Variants in SLC8A1 observed in about 807,000 individuals in gnomAD.
The protein encoded by SLC8A1 is sodium/calcium exchanger 1.
A neutral mutation model predicts 68.3 loss-of-function variants in SLC8A1; 18 were observed. That is an observed-to-expected ratio of 0.26 (90% CI 0.18 to 0.39). SLC8A1 has a LOEUF of 0.39. Among genes scored for constraint, SLC8A1 ranks in the 10% least tolerant of loss-of-function variants. The probability of loss-of-function intolerance (pLI) is 1.00; values close to 1 mark genes in which losing one functional copy is unlikely to be tolerated. For synonymous variants in SLC8A1, 475 were observed against 415.5 expected (o/e 1.14, Z -1.74); for missense variants, 985 against 1,156.7 (o/e 0.85, Z 2.15).
At chr2:40,465,841 T>A (rs545561006) in intron 1 of SLC8A1, among the ~76,000 whole-genome samples, 1 of 152,152 alleles carries the variant, frequency 6.6e-6, no homozygotes, top group Non-Finnish European at 1.5e-5. Flanking sequence ...TGGGGCTGCA[T>A]TGGAAGTGTT....
chr2:40,493,239 G>T (rs1705441695), intron 1 of SLC8A1, among the ~76,000 whole-genome samples: 1 of 151,072 alleles, frequency 6.6e-6, no homozygotes, highest in Admixed American at 6.6e-5. Flanking sequence ...GTAAACTATT[G>T]GAAGAACAAA....
chr2:40,174,857 A>T lies in SLC8A1; in HGVS notation c.1913-15T>A. On this transcript the variant is annotated splice_polypyrimidine_tract_variant and intron_variant, in intron 3 of 7. Transcript: ENST00000406785. ...TGTGAAGCCACCTAAAAAAGAAAAA[A>T]ACAACAACAAATGTTATAATTTGAC... 6.2e-7 allele frequency: 1 copy of T among 1,606,160 alleles called. No individual in the cohort carries two copies. Among genetic ancestry groups the T allele is most frequent in the East Asian group, 2.2e-5 (1 of 44,800 alleles).
intron 2 of SLC8A1, among the ~76,000 whole-genome samples, chr2:40,300,451 A>C (rs551060123): frequency 8.5e-5 from 13 of 152,312 alleles, no homozygotes; most frequent in Non-Finnish European, 1.5e-4. Context: ...TTCCATAAAA[A>C]AAAAGACATT....
At position 40,250,431 on chromosome 2, in the gene SLC8A1, C is replaced by A. The variant is rs1245950498; in HGVS notation, c.1809-72576G>T. On this transcript the variant is annotated intron_variant, in intron 2 of 7. Coordinates refer to ENST00000406785, the Ensembl canonical transcript of SLC8A1. Reference sequence around the variant, plus strand: ...TTCCAATATTATTAAAATTAGTGATCATTAGCTGGCACTTTACAACAGAAA... The same window carrying A: ...TTCCAATATTATTAAAATTAGTGATAATTAGCTGGCACTTTACAACAGAAA... 3.9e-5 allele frequency: 6 copies of A among 152,060 alleles called. No homozygotes were observed. In the East Asian group the frequency reaches 9.6e-4, roughly 24 times the overall value. The allele number at this position is 152,060 out of a possible 1,614,324, so 9.4% of individuals were successfully genotyped here.
chr2:40,108,003 T>G (rs1000417094), exon 8 of SLC8A1: 1 of 152,228 alleles, frequency 6.6e-6, no homozygotes, highest in Admixed American at 6.5e-5. Flanking sequence ...TAACTACTGA[T>G]AGATCAGTCT....
chr2:40,223,080 G>T (rs1358430921), intron 2 of SLC8A1, among the ~76,000 whole-genome samples: 1 of 152,124 alleles, frequency 6.6e-6, no homozygotes. Context: ...TATGTTTATT[G>T]CAGCAGTATT....
intron 2 of SLC8A1, among the ~76,000 whole-genome samples, chr2:40,319,446 T>C (rs1181762688): frequency 2.0e-5 from 3 of 152,104 alleles, no homozygotes; most frequent in African/African-American, 7.2e-5. Context: ...GTCAATTAAT[T>C]CTTGGAGCTT....
chr2:40,320,007 A>T (rs1301585006), intron 2 of SLC8A1, among the ~76,000 whole-genome samples: 1 of 152,110 alleles, frequency 6.6e-6, no homozygotes, highest in Non-Finnish European at 1.5e-5. Context: ...AAGCTGTTAC[A>T]TGGAAATAGA....
intron 2 of SLC8A1, among the ~76,000 whole-genome samples, chr2:40,179,378 C>T (rs688673): frequency 0.11 from 17,205 of 152,188 alleles, 1,081 homozygotes; most frequent in Admixed American, 0.19. Flanking sequence ...TGCCTTATGG[C>T]GCTATGGCTA....
chr2:40,171,577 G>T (rs947253426), intron 4 of SLC8A1, among the ~76,000 whole-genome samples: 2 of 152,182 alleles, frequency 1.3e-5, no homozygotes, highest in African/African-American at 4.8e-5. Flanking sequence ...GAGTAGAAAA[G>T]GGGTTCAATG....
chr2:40,336,767 TC>T (rs1666112748), intron 2 of SLC8A1, among the ~76,000 whole-genome samples: 1 of 152,078 alleles, frequency 6.6e-6, no homozygotes, highest in African/African-American at 2.4e-5. Flanking sequence ...TTTTCTTTTT[TC>T]ATGAAAAAAA....
At chr2:40,153,325 T>C (rs1334400420) in intron 6 of SLC8A1, among the ~76,000 whole-genome samples, 1 of 152,178 alleles carries the variant, frequency 6.6e-6, no homozygotes, top group African/African-American at 2.4e-5. Context: ...CAGGGGAGGT[T>C]AGAGGTCTTG....
intron 6 of SLC8A1, among the ~76,000 whole-genome samples, chr2:40,151,984 A>T (rs988335688): frequency 1.3e-5 from 2 of 152,234 alleles, no homozygotes; most frequent in African/African-American, 4.8e-5. Context: ...AATTCTCATC[A>T]AGGATGAATG....
chr2:40,338,763 A>G (rs537976682), intron 2 of SLC8A1, among the ~76,000 whole-genome samples: 1 of 152,354 alleles, frequency 6.6e-6, no homozygotes, highest in Non-Finnish European at 1.5e-5. Flanking sequence ...CTTCTTTTAG[A>G]AATTTCCTAA....
At chr2:40,117,209 C>T (rs1000404376) in intron 7 of SLC8A1, among the ~76,000 whole-genome samples, 12 of 151,760 alleles carry the variant, frequency 7.9e-5, no homozygotes, top group Non-Finnish European at 1.6e-4. Flanking sequence ...GTGAACAGAA[C>T]TTGCAAGATA....
At chr2:40,287,232 A>T (rs1184171510) in intron 2 of SLC8A1, among the ~76,000 whole-genome samples, 2 of 152,222 alleles carry the variant, frequency 1.3e-5, no homozygotes, top group Non-Finnish European at 2.9e-5. Flanking sequence ...AAATTAGTAG[A>T]AAAGACAAAC....
intron 2 of SLC8A1, among the ~76,000 whole-genome samples, chr2:40,378,902 C>T (rs548483812): frequency 6.6e-6 from 1 of 152,046 alleles, no homozygotes; most frequent in Non-Finnish European, 1.5e-5. Context: ...CAGTATCAAA[C>T]ACTCTATCTC....
intron 2 of SLC8A1, among the ~76,000 whole-genome samples, chr2:40,320,014 T>C (rs889634019): frequency 1.3e-5 from 2 of 152,068 alleles, no homozygotes; most frequent in Non-Finnish European, 2.9e-5. Flanking sequence ...TACATGGAAA[T>C]AGAATGATGG....
chr2:40,147,774 G>A (rs1298613585), intron 6 of SLC8A1, among the ~76,000 whole-genome samples: 1 of 152,154 alleles, frequency 6.6e-6, no homozygotes, highest in African/African-American at 2.4e-5. Context: ...ATGCAGAGGG[G>A]CATAAATGCT....
Sources: gnomAD v4.1 joint callset for allele counts (sites outside exome capture counted in the v4.1 genomes callset) on GRCh38, gnomAD v4.1.1 for gene constraint, MANE v1.5 for transcripts, NCBI Gene and HGNC (gene_info 2026-07-23, HGNC 2026-07-21) for gene names.